VEPH1: variants seen among roughly 807,000 people sequenced by gnomAD.
VEPH1 encodes ventricular zone expressed PH domain containing 1, also known as ventricular zone-expressed PH domain-containing protein homolog 1.
In VEPH1, 80 loss-of-function variants were observed where a neutral mutation model predicts 85.2. The observed-to-expected ratio is 0.94, with a 90% CI of 0.78 to 1.13. The LOEUF (loss-of-function observed/expected upper bound fraction) is 1.13, where lower values mean the gene tolerates loss of function less well. VEPH1 is among the 50% of genes most tolerant of loss of function. The probability of loss-of-function intolerance (pLI) is 0.00; values close to 1 mark genes in which losing one functional copy is unlikely to be tolerated. For missense variants in VEPH1, 955 were observed against 980.5 expected, an observed-to-expected ratio of 0.97 and a Z score of 0.35; for synonymous variants, 297 against 348.0, an observed-to-expected ratio of 0.85 and a Z score of 1.63.
chr3:157,367,447 G>T (rs1011268553), intron 7 of VEPH1, among the ~76,000 whole-genome samples: 1 of 152,128 alleles, frequency 6.6e-6, no homozygotes, highest in African/African-American at 2.4e-5. Flanking sequence ...TACCACACAA[G>T]AAATTTTGGG....
intron 2 of VEPH1, chr3:157,489,038 A>G: frequency 2.2e-6 from 1 of 445,952 alleles, no homozygotes; most frequent in South Asian, 1.6e-5. Flanking sequence ...TACATCCAGG[A>G]TCATCTGAAC....
intron 9 of VEPH1, among the ~76,000 whole-genome samples, chr3:157,334,507 T>G (rs1244066138): frequency 6.6e-6 from 1 of 152,092 alleles, no homozygotes; most frequent in Non-Finnish European, 1.5e-5. Flanking sequence ...CCATTAAGCT[T>G]GAGGAAGGTT....
At chr3:157,502,733 T>G (rs911839450) in intron 1 of VEPH1, among the ~76,000 whole-genome samples, 1 of 152,226 alleles carries the variant, frequency 6.6e-6, no homozygotes, top group African/African-American at 2.4e-5. Flanking sequence ...AGTGTGTATC[T>G]GAAAGAGTAA....
At chr3:157,380,654 T>C (rs1259338482) in intron 7 of VEPH1, among the ~76,000 whole-genome samples, 1 of 152,172 alleles carries the variant, frequency 6.6e-6, no homozygotes, top group Non-Finnish European at 1.5e-5. Flanking sequence ...AAGTACATAC[T>C]CTATCTCTGT....
chr3:157,280,388 T>C (rs1481652249), intron 12 of VEPH1, among the ~76,000 whole-genome samples: 1 of 152,110 alleles, frequency 6.6e-6, no homozygotes, highest in African/African-American at 2.4e-5. Context: ...GACTGATGCT[T>C]TGTTGCAAGT....
chr3:157,437,831 C>G (rs1000872046), intron 4 of VEPH1: 4 of 1,470,190 alleles, frequency 2.7e-6, no homozygotes, highest in Admixed American at 5.5e-5. Flanking sequence ...CGCGCCCTGG[C>G]CGCGGTGCTA....
intron 9 of VEPH1, among the ~76,000 whole-genome samples, chr3:157,318,634 A>C (rs199636349): frequency 2.4e-5 from 1 of 41,770 alleles, no homozygotes; most frequent in Non-Finnish European, 4.5e-5. Flanking sequence ...CAAAAAAAAA[A>C]AGAAAGAAAG....
At chr3:157,413,792 T>A (rs959361019) in intron 6 of VEPH1, 89 bp downstream of exon 6, 104 of 1,445,870 alleles carry the variant, frequency 7.2e-5, no homozygotes, top group Middle Eastern at 5.5e-4. Flanking sequence ...CAGGACAAAT[T>A]TGCACGTCAT....
intron 6 of VEPH1, among the ~76,000 whole-genome samples, chr3:157,406,122 G>GA (rs1209748221): frequency 3.9e-5 from 6 of 151,946 alleles, no homozygotes; most frequent in African/African-American, 1.2e-4. Context: ...TTTCATTTTG[G>GA]AAAAAAATCC....
At chr3:157,410,096 A>G (rs1235068619) in intron 6 of VEPH1, among the ~76,000 whole-genome samples, 10 of 152,124 alleles carry the variant, frequency 6.6e-5, no homozygotes. Context: ...AAATTATCTG[A>G]CAGTTTGAAC....
At chr3:157,287,143 C>A (rs1390186124) in intron 11 of VEPH1, among the ~76,000 whole-genome samples, 5 of 152,094 alleles carry the variant, frequency 3.3e-5, no homozygotes, top group Non-Finnish European at 7.4e-5. Context: ...GAGGCTGAGG[C>A]AGGCAGATTG....
chr3:157,437,770 A>T, intron 4 of VEPH1: 1 of 1,484,056 alleles, frequency 6.7e-7, no homozygotes, highest in Non-Finnish European at 8.9e-7. Flanking sequence ...CGCGGGCCGC[A>T]GGCTGGCGCG....
chr3:157,427,818 C>T (rs1275503801), intron 5 of VEPH1, among the ~76,000 whole-genome samples: 1 of 152,170 alleles, frequency 6.6e-6, no homozygotes. Flanking sequence ...TTTGATTAAA[C>T]ATTATTTCTG....
At chr3:157,372,205 A>G (rs1727570341) in intron 7 of VEPH1, among the ~76,000 whole-genome samples, 1 of 152,224 alleles carries the variant, frequency 6.6e-6, no homozygotes, top group African/African-American at 2.4e-5. Flanking sequence ...AAATTTTCCT[A>G]TTTGATACAT....
At chr3:157,326,531 A>G (rs1721923734) in intron 9 of VEPH1, among the ~76,000 whole-genome samples, 1 of 152,184 alleles carries the variant, frequency 6.6e-6, no homozygotes, top group South Asian at 2.1e-4. Context: ...ATTCCTGAAC[A>G]TGGAGGATAT....
Position 157,357,421 on chromosome 3 carries a change from C to T in VEPH1, c.1735+5943G>A, listed in dbSNP as rs539893914. On this transcript the variant is annotated intron_variant, in intron 9 of 13. Transcript: ENST00000362010. ...CTAGTCAGATGAATATTCATCTCAT[C>T]TGTAGATAAATAACAGGTTAACTAG... is the stretch of plus-strand genomic sequence containing the variant. 2.6e-5 allele frequency among the ~76,000 whole-genome samples: 4 copies of T among 152,214 alleles called. No homozygotes were observed. The South Asian group carries it at 8.3e-4, about 32-fold the overall frequency.
At chr3:157,472,244 C>T (rs1737030560) in intron 2 of VEPH1, among the ~76,000 whole-genome samples, 1 of 152,174 alleles carries the variant, frequency 6.6e-6, no homozygotes, top group Non-Finnish European at 1.5e-5. Flanking sequence ...AAGAACTTCA[C>T]AAAACACTCA....
intron 12 of VEPH1, among the ~76,000 whole-genome samples, chr3:157,277,701 C>T (rs1178426222): frequency 6.6e-6 from 1 of 152,170 alleles, no homozygotes; most frequent in Non-Finnish European, 1.5e-5. Context: ...TGTATATACA[C>T]ATATATGTGT....
chr3:157,418,360 A>C (rs979789546), intron 5 of VEPH1, among the ~76,000 whole-genome samples: 3 of 152,176 alleles, frequency 2.0e-5, no homozygotes, highest in African/African-American at 7.2e-5. Context: ...AGATTGATGG[A>C]TATATCTTCC....
Sources: allele counts gnomAD v4.1 joint callset (sites outside exome capture counted in the v4.1 genomes callset), GRCh38; gene constraint gnomAD v4.1.1; transcripts MANE v1.5; gene names NCBI Gene and HGNC (gene_info 2026-07-23, HGNC 2026-07-21).